The following TSPAN13 variants were observed in gnomAD, a reference collection of about 807,000 sequenced individuals.
The protein encoded by TSPAN13 is tetraspanin 13.
TSPAN13 carries 18 observed loss-of-function variants against 26.9 expected under a neutral mutation model. The ratio of observed to expected loss-of-function variants is 0.67; its 90% CI spans 0.46 to 0.99. The LOEUF (loss-of-function observed/expected upper bound fraction) is 0.99. TSPAN13 is among the 50% of genes least tolerant of loss of function. The pLI, the probability that TSPAN13 is intolerant of heterozygous loss-of-function variation, is 0.00. For missense variants in TSPAN13, 201 were observed against 249.6 expected (o/e 0.81, Z 1.31); for synonymous variants, 116 against 98.4 (o/e 1.18, Z -1.06).
chr7:16,782,243 C>G (rs1018189381), intron 5 of TSPAN13, among the ~76,000 whole-genome samples: 1 of 152,162 alleles, frequency 6.6e-6, no homozygotes, highest in Non-Finnish European at 1.5e-5. Context: ...TTCCTTGATT[C>G]AACCTGCAGA....
chr7:16,765,776 T>TA (rs1784597816), intron 1 of TSPAN13, among the ~76,000 whole-genome samples: 1 of 152,242 alleles, frequency 6.6e-6, no homozygotes, highest in Admixed American at 6.5e-5. Context: ...CTGTCATAGG[T>TA]GTACATTTAC....
Position 16,778,885 on chromosome 7 carries a change from A to G in TSPAN13, c.427-118A>G, listed in dbSNP as rs1784784144. 1.9e-5 allele frequency: 13 copies of G among 692,798 alleles called. No homozygotes were observed. In the South Asian group the frequency reaches 2.7e-4, roughly 14 times the overall value. The allele number at this position is 692,798 out of a possible 1,614,324, so 42.9% of individuals were successfully genotyped here. A position where few individuals can be genotyped will look rare whatever the true frequency, so the allele number is the denominator to read the frequency against. On this transcript the variant is annotated intron_variant, in intron 4 of 5. Transcript: ENST00000262067. ...GTGTTAGAGATTTGCACACTAAAAA[A>G]CCAAGGCCTCAAATTGGATATAATA...
At position 16,756,645 on chromosome 7, in the gene TSPAN13, CTTGA is replaced by C. The variant is rs1480396013; in HGVS notation, c.63+2618_63+2621del. ...AGTTGATTTTTCTTGTTGTTTATGG[CTTGA>C]TTATTTTAGTTAATAGGATCGCCAG... is the stretch of plus-strand genomic sequence containing the variant. On this transcript the variant is annotated intron_variant, in intron 1 of 5. Coordinates refer to ENST00000262067, the MANE Select transcript of TSPAN13 (RefSeq NM_014399.4). 7.9e-5 allele frequency among the ~76,000 whole-genome samples: 12 copies of C among 152,266 alleles called. No homozygotes were observed. The South Asian group carries it at 1.4e-3, about 18-fold the overall frequency.
rs1382920624 is a variant in TSPAN13 at position 16,766,297 on chromosome 7, T to A, written c.64-9914T>A. Among the ~76,000 whole-genome samples the A allele has an allele frequency of 3.9e-5, 6 of 152,398 alleles. No individual in the cohort carries two copies. In the South Asian group the frequency reaches 6.2e-4, roughly 16 times the overall value. ...ACAAACAAGTTTATGATGTACAGTT[T>A]CGCTGTTGCTGTAATAAGTGCAAAA... On this transcript the variant is annotated intron_variant, in intron 1 of 5. Transcript: ENST00000262067.
At chr7:16,758,821 A>G (rs184784600) in intron 1 of TSPAN13, among the ~76,000 whole-genome samples, 1 of 151,892 alleles carries the variant, frequency 6.6e-6, no homozygotes, top group East Asian at 1.9e-4. Context: ...TTTCTCTTGA[A>G]TGAATCTACT....
intron 1 of TSPAN13, among the ~76,000 whole-genome samples, chr7:16,757,631 T>C (rs980140195): frequency 6.6e-6 from 1 of 152,190 alleles, no homozygotes; most frequent in Non-Finnish European, 1.5e-5. Context: ...ATTTCAGAAG[T>C]TGCAGTTTTG....
At chr7:16,762,475 C>T (rs987408128) in intron 1 of TSPAN13, among the ~76,000 whole-genome samples, 2 of 152,122 alleles carry the variant, frequency 1.3e-5, no homozygotes, top group Non-Finnish European at 2.9e-5. Context: ...AGGCCCTTCC[C>T]ATCTTGGGAT....
At chr7:16,756,737 G>A (rs1262987273) in intron 1 of TSPAN13, among the ~76,000 whole-genome samples, 1 of 152,044 alleles carries the variant, frequency 6.6e-6, no homozygotes, top group Non-Finnish European at 1.5e-5. Context: ...AAGAAAAGGG[G>A]GAAGCTACAT....
At chr7:16,774,874 G>A (rs1784723298) in intron 1 of TSPAN13, among the ~76,000 whole-genome samples, 1 of 152,118 alleles carries the variant, frequency 6.6e-6, no homozygotes, top group Admixed American at 6.6e-5. Context: ...TATTTTCTAT[G>A]AGTACAAATA....
chr7:16,760,563 T>TA lies in TSPAN13; in HGVS notation c.63+6534dup, dbSNP rs553404465. 1.9e-4 allele frequency among the ~76,000 whole-genome samples: 29 copies of TA among 152,294 alleles called. No individual in the cohort carries two copies. In the South Asian group the frequency reaches 6.0e-3, roughly 32 times the overall value. On this transcript the variant is annotated intron_variant, in intron 1 of 5. Coordinates refer to ENST00000262067, the MANE Select transcript of TSPAN13 (RefSeq NM_014399.4). ...CCAAGTGGAAATGTCAGGTAGCACT[T>TA]ACAGTAACCACACTGTTATTCAGGG...
At chr7:16,755,743 A>G (rs936805115) in intron 1 of TSPAN13, among the ~76,000 whole-genome samples, 4 of 152,052 alleles carry the variant, frequency 2.6e-5, no homozygotes, top group Non-Finnish European at 5.9e-5. Context: ...TCAATGTATA[A>G]TCTTTTTTAA....
chr7:16,771,669 C>T (rs1245403005), intron 1 of TSPAN13, among the ~76,000 whole-genome samples: 2 of 152,242 alleles, frequency 1.3e-5, no homozygotes, highest in Non-Finnish European at 2.9e-5. Context: ...GATTCTCCCT[C>T]TGGAGCTTTC....
chr7:16,779,028 G>A lies in TSPAN13; in HGVS notation c.452G>A (p.Cys151Tyr). ...LASCVKSDHS[C>Y]SPCAPIIGEY... ...AGCTGTGTTAAAAGTGACCACTCGT[G>A]CTCGCCATGTGCTCCAATCATAGGA... Residue 151 changes from cysteine to tyrosine, a missense_variant, in exon 5 of 6, where the codon TGC becomes TAC. By Grantham distance (194) the Cys-to-Tyr change is radical. Transcript: ENST00000262067. 1 of 1,613,804 alleles carries A rather than the reference G, an allele frequency of 6.2e-7. No individual in the cohort carries two copies. The highest frequency in any genetic ancestry group is 8.5e-7 in the Non-Finnish European group (1 of 1,179,864).
At chr7:16,781,143 A>G (rs991540860) in intron 5 of TSPAN13, among the ~76,000 whole-genome samples, 5 of 152,216 alleles carry the variant, frequency 3.3e-5, no homozygotes, top group African/African-American at 1.2e-4. Context: ...GAAAAAAGCT[A>G]TGATTAATAT....
chr7:16,763,109 G>T (rs919663874), intron 1 of TSPAN13, among the ~76,000 whole-genome samples: 1 of 152,238 alleles, frequency 6.6e-6, no homozygotes, highest in Admixed American at 6.5e-5. Flanking sequence ...ATTTAGTAAC[G>T]CTAAGGAGGA....
chr7:16,783,149 G>C (rs1187616494), intron 5 of TSPAN13, among the ~76,000 whole-genome samples: 2 of 152,206 alleles, frequency 1.3e-5, no homozygotes, highest in Middle Eastern at 3.4e-3. Context: ...CTGTTACTGT[G>C]TAAGGTAACA....
chr7:16,777,970 T>C lies in TSPAN13; in HGVS notation c.426+59T>C, dbSNP rs1784772484. On this transcript the variant is annotated intron_variant, in intron 4 of 5. Transcript: ENST00000262067. ...TGTATTACAGATAAATAATGATTAA[T>C]GTGGAAGAAATGGACTTTCTGATGC... 3.2e-6 allele frequency: 4 copies of C among 1,261,232 alleles called. No homozygotes were observed. In the South Asian group the frequency reaches 4.2e-5, roughly 13 times the overall value. 78.1% of individuals were successfully genotyped at this position (1,261,232 alleles called of 1,614,324 possible). A position where few individuals can be genotyped will look rare whatever the true frequency, so the allele number is the denominator to read the frequency against.
In TSPAN13 at chr7:16,776,194, C is replaced by G. The variant is rs550997944; in HGVS notation, c.64-17C>G. ...TCTCTCTCGTCCTCTACCCCTGCCC[C>G]CTGGGTGTTTTTGCAGTTGGTTAGT... On this transcript the variant is annotated splice_polypyrimidine_tract_variant and intron_variant, in intron 1 of 5. Transcript: ENST00000262067. 18 of 1,611,976 alleles carry G rather than the reference C, an allele frequency of 1.1e-5. No homozygotes were observed. The South Asian group carries it at 1.7e-4, about 15-fold the overall frequency.
intron 1 of TSPAN13, among the ~76,000 whole-genome samples, chr7:16,773,413 A>G (rs1301996357): frequency 6.6e-6 from 1 of 151,642 alleles, no homozygotes; most frequent in Non-Finnish European, 1.5e-5. Flanking sequence ...GTATGTATAA[A>G]TAGTTATTGG....
Sources: gnomAD v4.1 joint callset for allele counts (sites outside exome capture counted in the v4.1 genomes callset) on GRCh38, gnomAD v4.1.1 for gene constraint, MANE v1.5 for transcripts, NCBI Gene and HGNC (gene_info 2026-07-23, HGNC 2026-07-21) for gene names.